Variants in ZNF462 observed in about 807,000 individuals in gnomAD.
The protein encoded by ZNF462 is zinc finger PBX1-interacting protein.
ZNF462 carries 10 observed loss-of-function variants against 201.9 expected under a neutral mutation model. That is an observed-to-expected ratio of 0.05 (90% confidence interval 0.03 to 0.08). The LOEUF is 0.08. ZNF462 is among the 10% of genes least tolerant of loss of function. The probability of loss-of-function intolerance (pLI) is 1.00; values close to 1 mark genes in which losing one functional copy is unlikely to be tolerated. For synonymous variants in ZNF462, 1,227 were observed against 1,193.3 expected, an observed-to-expected ratio of 1.03 and a Z score of -0.58; for missense variants, 2,523 against 3,168.3, an observed-to-expected ratio of 0.80 and a Z score of 4.89.
intron 5 of ZNF462, among the ~76,000 whole-genome samples, chr9:106,934,977 C>A (rs1830571081): frequency 6.6e-6 from 1 of 152,154 alleles, no homozygotes; most frequent in South Asian, 2.1e-4. Flanking sequence ...AACAAGACAG[C>A]CCATTGCAAG....
At chr9:106,914,490 C>T (rs1210715738) in intron 1 of ZNF462, among the ~76,000 whole-genome samples, 2 of 152,188 alleles carry the variant, frequency 1.3e-5, no homozygotes, top group Non-Finnish European at 2.9e-5. Context: ...GGGACTACTG[C>T]TTTATGACAA....
intron 1 of ZNF462, among the ~76,000 whole-genome samples, chr9:106,898,428 G>C (rs1182806125): frequency 6.6e-6 from 1 of 152,142 alleles, no homozygotes; most frequent in African/African-American, 2.4e-5. Flanking sequence ...GGAGGTGGAG[G>C]GGGGGTCATT....
chr9:106,990,567 T>C (rs75135047), intron 10 of ZNF462, among the ~76,000 whole-genome samples: 2,742 of 152,090 alleles, frequency 0.018, 44 homozygotes, highest in Non-Finnish European at 0.026. Flanking sequence ...TTTCTTAGTT[T>C]AGACACAGTC....
Position 106,927,416 on chromosome 9 carries a change from G to A in ZNF462, c.3504G>A (p.Arg1168=), listed in dbSNP as rs1363483914. Residue 1168 remains arginine, a synonymous_variant, in exon 3 of 13, where the codon CGG becomes CGA. Transcript: ENST00000277225. Reference sequence around the variant, plus strand: ...TCGAAGGGCCCCAAGGCTCCCCCCGGCCACCCGCCCCCATACAACAGCTGA... The same window carrying A: ...TCGAAGGGCCCCAAGGCTCCCCCCGACCACCCGCCCCCATACAACAGCTGA... ...RGVEGPQGSP[R]PPAPIQQLNR... 1 of 1,613,730 alleles carries A rather than the reference G, an allele frequency of 6.2e-7. No individual in the cohort carries two copies. The highest frequency in any genetic ancestry group is 8.5e-7 in the Non-Finnish European group (1 of 1,179,870).
At chr9:106,864,237 G>C (rs1194346269) in intron 1 of ZNF462, among the ~76,000 whole-genome samples, 1 of 152,004 alleles carries the variant, frequency 6.6e-6, no homozygotes, top group Non-Finnish European at 1.5e-5. Context: ...GGGGGGCGCA[G>C]GTTCAGGAGC....
In ZNF462 at chr9:107,011,942, C is replaced by G. The variant is rs1174517914; in HGVS notation, c.*912C>G. 2 of 151,932 alleles carry G rather than the reference C, an allele frequency of 1.3e-5. No homozygotes were observed. Among genetic ancestry groups the G allele is most frequent in the Non-Finnish European group, 2.9e-5 (2 of 68,000 alleles). 9.4% of individuals were successfully genotyped at this position (151,932 alleles called of 1,614,324 possible). A position where few individuals can be genotyped will look rare whatever the true frequency, so the allele number is the denominator to read the frequency against. ...TGTTTGCCACATGTTTATTTTCTAT[C>G]AATTTGAGTGTTACAAACACAGCAC... On this transcript the variant is annotated 3_prime_UTR_variant, in exon 13 of 13. Transcript: ENST00000277225. The surrounding 1 kb of genome is among the most constrained non-coding windows in gnomAD (Gnocchi z 5.6).
intron 10 of ZNF462, among the ~76,000 whole-genome samples, chr9:106,985,923 C>G (rs1173858652): frequency 6.6e-6 from 1 of 152,124 alleles, no homozygotes; most frequent in Non-Finnish European, 1.5e-5. Flanking sequence ...CCTGAATTAC[C>G]TCACTTAAAA....
In ZNF462 at chr9:106,920,224, C is replaced by G. The variant is rs1289761143; in HGVS notation, c.-30-3130C>G. Among the ~76,000 whole-genome samples the G allele has an allele frequency of 6.6e-6, 1 of 151,768 alleles. No individual in the cohort carries two copies. Among genetic ancestry groups the G allele is most frequent in the Non-Finnish European group, 1.5e-5 (1 of 67,990 alleles). On this transcript the variant is annotated intron_variant, in intron 1 of 12. Coordinates refer to ENST00000277225, the MANE Select transcript of ZNF462 (RefSeq NM_021224.6). The surrounding 1 kb of genome is among the most constrained non-coding windows in gnomAD (Gnocchi z 4.3). ...ACATATGAATGGGTCATCGTCATGT[C>G]CAGTGTGTTTTTGTCTCTGTCCTTC... is the stretch of plus-strand genomic sequence containing the variant.
In ZNF462 at chr9:106,974,417, A is replaced by G; in HGVS notation, c.6832+144A>G. On this transcript the variant is annotated intron_variant, in intron 9 of 12. Coordinates refer to ENST00000277225, the MANE Select transcript of ZNF462 (RefSeq NM_021224.6). This position sits in a 1 kb window ranked among gnomAD's most constrained non-coding sequence, Gnocchi z 4.0. ...CAGGCAAGAAACCACAGTGATAACCACAGTGACAGCCAAAAGGGCAAAAAC... is the reference window on the plus strand; with the variant it reads ...CAGGCAAGAAACCACAGTGATAACCGCAGTGACAGCCAAAAGGGCAAAAAC... 2 of 1,318,130 alleles carry G rather than the reference A, an allele frequency of 1.5e-6. No individual in the cohort carries two copies. Among genetic ancestry groups the G allele is most frequent in the Admixed American group, 1.7e-5 (1 of 58,786 alleles). The allele number at this position is 1,318,130 out of a possible 1,614,324, so 81.7% of individuals were successfully genotyped here. A position where few individuals can be genotyped will look rare whatever the true frequency, so the allele number is the denominator to read the frequency against.
At position 107,010,316 on chromosome 9, in the gene ZNF462, T is replaced by G. The variant is rs1829856276; in HGVS notation, c.7314-507T>G. Among the ~76,000 whole-genome samples, 1 of 152,164 alleles carries G rather than the reference T, an allele frequency of 6.6e-6. No homozygotes were observed. The highest frequency in any genetic ancestry group is 1.5e-5 in the Non-Finnish European group (1 of 68,026). On this transcript the variant is annotated intron_variant, in intron 12 of 12. Coordinates refer to ENST00000277225, the MANE Select transcript of ZNF462 (RefSeq NM_021224.6). The surrounding 1 kb of genome is among the most constrained non-coding windows in gnomAD (Gnocchi z 4.6). ...AGACCTCAGAGAATATAACCAAGCT[T>G]CCCGAGACATGGGTTCCATCTTCAG...
At chr9:106,994,821 A>C (rs1388025919) in intron 10 of ZNF462, among the ~76,000 whole-genome samples, 1 of 151,956 alleles carries the variant, frequency 6.6e-6, no homozygotes, top group Non-Finnish European at 1.5e-5. Context: ...CATCCACTAA[A>C]CTCCCCAGTC....
intron 8 of ZNF462, among the ~76,000 whole-genome samples, chr9:106,973,889 A>C (rs1826781785): frequency 6.6e-6 from 1 of 152,042 alleles, no homozygotes; most frequent in African/African-American, 2.4e-5. Flanking sequence ...GTTTCTTTTC[A>C]AACTAAGCTC....
rs960371251 is a variant in ZNF462 at position 106,863,279 on chromosome 9, G to GGAGAAA, written c.-97_-92dup. The GGAGAAA allele has an allele frequency of 1.0e-5, 4 of 399,194 alleles. No individual in the cohort carries two copies. The highest frequency in any genetic ancestry group is 1.3e-5 in the Non-Finnish European group (3 of 226,248). The allele number at this position is 399,194 out of a possible 1,614,324, so 24.7% of individuals were successfully genotyped here. On this transcript the variant is annotated 5_prime_UTR_variant, in exon 1 of 13. Coordinates refer to ENST00000277225, the MANE Select transcript of ZNF462 (RefSeq NM_021224.6). ...CACAACAATAACCCGAGCAGGAAGA[G>GGAGAAA]GAGAAAGAGAAAGAGGATAAGGAGG...
chr9:106,890,487 G>A lies in ZNF462; in HGVS notation c.-31+27132G>A, dbSNP rs765168581. Among the ~76,000 whole-genome samples, 2 of 152,222 alleles carry A rather than the reference G, an allele frequency of 1.3e-5. No individual in the cohort carries two copies. Among genetic ancestry groups the A allele is most frequent in the Admixed American group, 1.3e-4 (2 of 15,284 alleles). The stretch of plus-strand genomic sequence containing the variant: ...CAAATATCATATCCACACACCTGCA[G>A]TTCTTTCTCTGTGTCCACAAACATG... On this transcript the variant is annotated intron_variant, in intron 1 of 12. Transcript: ENST00000277225. This position sits in a 1 kb window ranked among gnomAD's most constrained non-coding sequence, Gnocchi z 4.2.
chr9:106,877,865 T>A lies in ZNF462; in HGVS notation c.-31+14510T>A, dbSNP rs535098795. ...ACTCAAAACTAAAGGAGTAGAGATG[T>A]AGCTGTGGCTGTGGCAGTGGTTATT... On this transcript the variant is annotated intron_variant, in intron 1 of 12. Coordinates refer to ENST00000277225, the MANE Select transcript of ZNF462 (RefSeq NM_021224.6). Among the ~76,000 whole-genome samples the A allele has an allele frequency of 8.5e-5, 13 of 152,288 alleles. No individual in the cohort carries two copies. In the South Asian group the frequency reaches 2.7e-3, roughly 32 times the overall value.
Position 106,905,892 on chromosome 9 carries a change from C to T in ZNF462, c.-30-17462C>T, listed in dbSNP as rs892166607. ...GTCTGCACGCCGGATTTATGCCCTC[C>T]CCGGAGTTCTGGCCAGGAGGCTTCT... is the stretch of plus-strand genomic sequence containing the variant. On this transcript the variant is annotated intron_variant, in intron 1 of 12. Coordinates refer to ENST00000277225, the MANE Select transcript of ZNF462 (RefSeq NM_021224.6). The surrounding 1 kb of genome is among the most constrained non-coding windows in gnomAD (Gnocchi z 5.9). Among the ~76,000 whole-genome samples the T allele has an allele frequency of 2.0e-5, 3 of 151,986 alleles. No individual in the cohort carries two copies. Among genetic ancestry groups the T allele is most frequent in the Non-Finnish European group, 2.9e-5 (2 of 67,988 alleles).
chr9:106,974,348 T>G lies in ZNF462; in HGVS notation c.6832+75T>G, dbSNP rs1239167877. On this transcript the variant is annotated intron_variant, in intron 9 of 12. Transcript: ENST00000277225. This position sits in a 1 kb window ranked among gnomAD's most constrained non-coding sequence, Gnocchi z 4.0. The stretch of plus-strand genomic sequence containing the variant: ...GAGATGGCCTTCTAGGGATGCTCTC[T>G]CAGAGTGGCAGTAGCACCTGTGCCT... 4.4e-6 allele frequency: 7 copies of G among 1,602,294 alleles called. No individual in the cohort carries two copies. In the East Asian group the frequency reaches 1.6e-4, roughly 36 times the overall value.
At chr9:106,906,694 A>T (rs1468969351) in intron 1 of ZNF462, among the ~76,000 whole-genome samples, 1 of 152,248 alleles carries the variant, frequency 6.6e-6, no homozygotes, top group South Asian at 2.1e-4. Context: ...CTAGTACTTT[A>T]TCAGTCACCC....
At position 106,981,090 on chromosome 9, in the gene ZNF462, A is replaced by G. The variant is rs1486946268; in HGVS notation, c.6833-3096A>G. ...GTTAACCATGTTTTTAGAAAGGGGA[A>G]AAAGCTAACTTTTTTTCTAAAATTA... is the stretch of plus-strand genomic sequence containing the variant. On this transcript the variant is annotated intron_variant, in intron 9 of 12. Transcript: ENST00000277225. This position sits in a 1 kb window ranked among gnomAD's most constrained non-coding sequence, Gnocchi z 4.0. Among the ~76,000 whole-genome samples, 1 of 152,200 alleles carries G rather than the reference A, an allele frequency of 6.6e-6. No homozygotes were observed. The highest frequency in any genetic ancestry group is 1.9e-4 in the East Asian group (1 of 5,196).
Sources: allele counts gnomAD v4.1 joint callset (sites outside exome capture counted in the v4.1 genomes callset), GRCh38; gene constraint gnomAD v4.1.1; non-coding constraint Gnocchi (gnomAD v3.1); transcripts MANE v1.5; gene names NCBI Gene and HGNC (gene_info 2026-07-23, HGNC 2026-07-21).